The following RIPOR1 variants were observed in gnomAD, a reference collection of about 807,000 sequenced individuals.
RIPOR1 encodes the protein RHO family interacting cell polarization regulator 1.
RIPOR1 carries 58 observed loss-of-function variants against 116.5 expected under a neutral mutation model. The ratio of observed to expected loss-of-function variants is 0.50; its 90% CI spans 0.40 to 0.62. The LOEUF (loss-of-function observed/expected upper bound fraction) is 0.62, where lower values mean the gene tolerates loss of function less well. RIPOR1 is among the 20% of genes least tolerant of loss of function. RIPOR1 has a pLI of 0.00. For synonymous variants in RIPOR1, 605 were observed against 650.0 expected (o/e 0.93, Z 1.05); for missense variants, 1,372 against 1,586.2 (o/e 0.86, Z 2.29).
rs1471654074 is a variant in RIPOR1 at position 67,531,972 on chromosome 16, A to G, written c.-24+3058A>G. ...AGTGGTGAGATCTTGGCTCACTGCA[A>G]GCTCCACCTCCCGGGCTCATGCCAT... On this transcript the variant is annotated intron_variant, in intron 1 of 21. Transcript: ENST00000042381. This position sits in a 1 kb window ranked among gnomAD's most constrained non-coding sequence, Gnocchi z 4.2. Among the ~76,000 whole-genome samples, 1 of 152,018 alleles carries G rather than the reference A, an allele frequency of 6.6e-6. No individual in the cohort carries two copies. The highest frequency in any genetic ancestry group is 1.5e-5 in the Non-Finnish European group (1 of 68,006).
Position 67,545,531 on chromosome 16 carries a change from G to A in RIPOR1, c.3187G>A (p.Glu1063Lys). The A allele has an allele frequency of 6.2e-7, 1 of 1,614,060 alleles. No individual in the cohort carries two copies. Among genetic ancestry groups the A allele is most frequent in the Non-Finnish European group, 8.5e-7 (1 of 1,180,016 alleles). The change falls in exon 18 of 22, where the codon GAG (glutamate) becomes AAG (lysine). Residue 1063 changes from glutamate to lysine, a missense_variant. Transcript: ENST00000042381. This position sits in a 1 kb window ranked among gnomAD's most constrained non-coding sequence, Gnocchi z 4.8. The stretch of plus-strand genomic sequence containing the variant: ...GGCCTACGTGACTGAGACCGCTGAG[G>A]AGGGTGAGGCGGTGGCCCTGATCAC... ...MEAYVTETAEEVLLVRNLNSD... is the reference protein window; with the variant it reads ...MEAYVTETAEKVLLVRNLNSD...
intron 1 of RIPOR1, among the ~76,000 whole-genome samples, chr16:67,535,134 C>T (rs2050762114): frequency 6.6e-6 from 1 of 152,180 alleles, no homozygotes; most frequent in Admixed American, 6.5e-5. Context: ...TGAACCACCA[C>T]ACCCAGCCCG....
Position 67,542,596 on chromosome 16 carries a change from A to G in RIPOR1, c.1810A>G (p.Thr604Ala). Residue 604 changes from threonine to alanine, a missense_variant, in exon 13 of 22, where the codon ACT (threonine) becomes GCT (alanine). By Grantham distance (58) the Thr-to-Ala change is moderately conservative. Around this residue, in one of 3 missense-constraint regions of RIPOR1, gnomAD observed 1,005 missense variants for 1,144.7 expected, o/e 0.88. Coordinates refer to ENST00000042381, the MANE Select transcript of RIPOR1 (RefSeq NM_024519.4). This position sits in a 1 kb window ranked among gnomAD's most constrained non-coding sequence, Gnocchi z 4.6. ...CCAGACTACCACAAGCCCCACCCAC[A>G]CTATGCCAAGCCCTACCCATACCAC... is the stretch of plus-strand genomic sequence containing the variant. Reference protein sequence around the residue: ...PVQTTTSPTHTMPSPTHTTAS... With the variant: ...PVQTTTSPTHAMPSPTHTTAS... 4.3e-6 allele frequency: 7 copies of G among 1,612,502 alleles called. No homozygotes were observed. The highest frequency in any genetic ancestry group is 1.7e-4 in the Middle Eastern group (1 of 6,060).
rs1183502131 is a variant in RIPOR1 at position 67,544,678 on chromosome 16, C to T, written c.2734-17C>T. On this transcript the variant is annotated splice_polypyrimidine_tract_variant and intron_variant, in intron 15 of 21. Transcript: ENST00000042381. The surrounding 1 kb of genome is among the most constrained non-coding windows in gnomAD (Gnocchi z 5.1). Reference sequence around the variant, plus strand: ...CTACCCTGAGGCCTGAGCTACTTGGCCACCCATGTTCTCCAGAAACTGGGC... The same window carrying T: ...CTACCCTGAGGCCTGAGCTACTTGGTCACCCATGTTCTCCAGAAACTGGGC... The T allele has an allele frequency of 6.2e-7, 1 of 1,611,948 alleles. No homozygotes were observed.
intron 4 of RIPOR1, chr16:67,539,342 T>C (rs2050903015): frequency 1.9e-6 from 1 of 526,080 alleles, no homozygotes; most frequent in Non-Finnish European, 3.4e-6. Flanking sequence ...GCAGTGGTAC[T>C]GAGCAGTGGT....
rs762438443 is a variant in RIPOR1, at chr16:67,539,838, T to C, written c.361-8T>C. 29 of 1,613,898 alleles carry C rather than the reference T, an allele frequency of 1.8e-5. No individual in the cohort carries two copies. In the South Asian group the frequency reaches 2.9e-4, roughly 16 times the overall value. The stretch of plus-strand genomic sequence containing the variant: ...CCTCAGGCCCCTCCTGACCCACCTC[T>C]CCCCCAGCAAGTCAAGTCCATTGAA... On this transcript the variant is annotated splice_region_variant and splice_polypyrimidine_tract_variant and intron_variant, in intron 5 of 21. Coordinates refer to ENST00000042381, the MANE Select transcript of RIPOR1 (RefSeq NM_024519.4).
intron 1 of RIPOR1, among the ~76,000 whole-genome samples, chr16:67,532,594 C>A (rs2050689972): frequency 6.6e-6 from 1 of 152,192 alleles, no homozygotes; most frequent in African/African-American, 2.4e-5. Flanking sequence ...ATCCTCCCAG[C>A]AGCCTTGGGA....
In RIPOR1 at chr16:67,539,856, C is replaced by T; in HGVS notation, c.371C>T (p.Ser124Phe). Residue 124 changes from serine to phenylalanine, a missense_variant, in exon 6 of 22, where the codon TCC becomes TTC. Around this residue, in one of 3 missense-constraint regions of RIPOR1, gnomAD observed 202 missense variants for 295.9 expected, o/e 0.68. Coordinates refer to ENST00000042381, the MANE Select transcript of RIPOR1 (RefSeq NM_024519.4). ...CCACCTCTCCCCCAGCAAGTCAAGT[C>T]CATTGAACGCTTCCTGCGACGACTG... ...FLYDLDKQVK[S>F]IERFLRRLEF... The T allele has an allele frequency of 6.2e-7, 1 of 1,614,184 alleles. No homozygotes were observed. Among genetic ancestry groups the T allele is most frequent in the Non-Finnish European group, 8.5e-7 (1 of 1,180,030 alleles).
chr16:67,538,610 G>A, intron 2 of RIPOR1, 60 bp downstream of exon 2: 1 of 1,607,160 alleles, frequency 6.2e-7, no homozygotes, highest in African/African-American at 1.3e-5. Flanking sequence ...GGGTCTGGGG[G>A]TGCGTAGTGA....
upstream of RIPOR1, among the ~76,000 whole-genome samples, chr16:67,527,099 T>C (rs2050546753): frequency 6.6e-6 from 1 of 152,154 alleles, no homozygotes; most frequent in Non-Finnish European, 1.5e-5. Flanking sequence ...ACTCAGCCCC[T>C]GGAAGTCATG....
intron 1 of RIPOR1, chr16:67,538,150 C>T (rs2050853702): frequency 5.4e-6 from 2 of 373,204 alleles, no homozygotes; most frequent in Non-Finnish European, 9.6e-6. Flanking sequence ...GGAGGGTCCC[C>T]GCGCGACCCC....
chr16:67,520,656 C>G (rs2050487872), intron 1 of RIPOR1, among the ~76,000 whole-genome samples: 1 of 151,930 alleles, frequency 6.6e-6, no homozygotes, highest in Non-Finnish European at 1.5e-5. Flanking sequence ...CAAAAATTAG[C>G]TGGGCATGGG....
In RIPOR1 at chr16:67,542,433, A is replaced by G; in HGVS notation, c.1647A>G (p.Thr549=). The stretch of plus-strand genomic sequence containing the variant: ...TGCCAGGCCCCACTCACACCACTAC[A>G]GGCTCTACCTATAGTGCCATTACCA... ...SELPGPTHTT[T]GSTYSAITTT... is the part of the protein sequence containing the mutation. Residue 549 remains threonine, a synonymous_variant, in exon 13 of 22, where the codon ACA becomes ACG. Transcript: ENST00000042381. The surrounding 1 kb of genome is among the most constrained non-coding windows in gnomAD (Gnocchi z 4.6). The G allele has an allele frequency of 1.9e-6, 3 of 1,613,782 alleles. No homozygotes were observed. Among genetic ancestry groups the G allele is most frequent in the Non-Finnish European group, 2.5e-6 (3 of 1,179,894 alleles).
chr16:67,523,539 A>C (rs1048033409), intron 1 of RIPOR1, among the ~76,000 whole-genome samples: 7 of 151,154 alleles, frequency 4.6e-5, no homozygotes, highest in Non-Finnish European at 7.4e-5. Context: ...AAAAAAAAAA[A>C]AAAAAAAAAA....
intron 1 of RIPOR1, among the ~76,000 whole-genome samples, chr16:67,532,461 C>A (rs934858194): frequency 6.6e-6 from 1 of 150,882 alleles, no homozygotes; most frequent in Non-Finnish European, 1.5e-5. Flanking sequence ...CGTGAGACCT[C>A]GTCTTAAAAA....
chr16:67,534,276 CA>C (rs1375152274), intron 1 of RIPOR1, among the ~76,000 whole-genome samples: 1 of 151,376 alleles, frequency 6.6e-6, no homozygotes, highest in Admixed American at 6.6e-5. Context: ...CATGCCACCA[CA>C]CCTGGCTAAT....
At chr16:67,535,716 G>A (rs1394707903) in intron 1 of RIPOR1, among the ~76,000 whole-genome samples, 1 of 152,072 alleles carries the variant, frequency 6.6e-6, no homozygotes, top group Non-Finnish European at 1.5e-5. Context: ...TGGGGGTGAT[G>A]GAAAGCCTGA....
rs764258817 is a variant in RIPOR1 at position 67,538,499 on chromosome 16, A to G, written c.53A>G (p.Asn18Ser). The G allele has an allele frequency of 1.3e-5, 21 of 1,611,918 alleles. No individual in the cohort carries two copies. Among genetic ancestry groups the G allele is most frequent in the Non-Finnish European group, 1.7e-5 (20 of 1,179,432 alleles). ...CGCCGTCTGCTCAGCGCCCGGGTCA[A>G]TAGGAGCCAGTCCTTCGCAGGCGTC... ...PQRRLLSARV[N>S]RSQSFAGVLG... is the part of the protein sequence containing the mutation. Residue 18 changes from asparagine (N) to serine (S), a missense_variant, in exon 2 of 22, where the codon AAT becomes AGT. This residue lies in a region of RIPOR1 where 165 missense variants were observed against 145.5 expected (regional missense o/e 1.13). Transcript: ENST00000042381.
rs1463244329 is a variant in RIPOR1, at chr16:67,537,829, C to T, written c.-23-595C>T. 6.6e-6 allele frequency among the ~76,000 whole-genome samples: 1 copy of T among 151,964 alleles called. No homozygotes were observed. Among genetic ancestry groups the T allele is most frequent in the Non-Finnish European group, 1.5e-5 (1 of 67,928 alleles). On this transcript the variant is annotated intron_variant, in intron 1 of 21. Coordinates refer to ENST00000042381, the MANE Select transcript of RIPOR1 (RefSeq NM_024519.4). The surrounding 1 kb of genome is among the most constrained non-coding windows in gnomAD (Gnocchi z 4.6). ...CGGCATCGCGCCCAGCTCTGGGAAT[C>T]CCCCTGCCTGGAGGGCGCCGGGACG...
Sources: gnomAD v4.1 joint callset for allele counts (sites outside exome capture counted in the v4.1 genomes callset) on GRCh38, gnomAD v4.1.1 for gene constraint, gnomAD v4.1.1 regional missense constraint, Gnocchi (gnomAD v3.1) non-coding constraint, MANE v1.5 for transcripts, NCBI Gene and HGNC (gene_info 2026-07-23, HGNC 2026-07-21) for gene names.